The following AGR3 variants were observed in gnomAD, a reference collection of about 807,000 sequenced individuals.
The protein encoded by AGR3 is anterior gradient 3, protein disulphide isomerase family member.
Under a neutral mutation model 24.5 loss-of-function variants are expected in AGR3, and 37 were observed. The observed-to-expected ratio is 1.51, with a 90% CI of 1.16 to 1.99. The LOEUF is 1.99. Ranked by LOEUF, AGR3 falls within the 30% of genes most tolerant of loss-of-function variation. AGR3 has a pLI of 0.00. For synonymous variants in AGR3, 75 were observed against 61.6 expected (o/e 1.22, Z -1.02); for missense variants, 228 against 191.1 (o/e 1.19, Z -1.14).
At chr7:16,877,221 T>C (rs1782000990) in intron 2 of AGR3, among the ~76,000 whole-genome samples, 2 of 147,658 alleles carry the variant, frequency 1.4e-5, no homozygotes, top group African/African-American at 2.5e-5. Flanking sequence ...TATATATTTA[T>C]AATTATAGCA....
At chr7:16,872,812 T>C (rs895487462) in intron 3 of AGR3, among the ~76,000 whole-genome samples, 6 of 152,138 alleles carry the variant, frequency 3.9e-5, no homozygotes, top group African/African-American at 1.4e-4. Flanking sequence ...TAGACATTTC[T>C]CAAAAGAAGA....
At chr7:16,880,108 T>TTTCC (rs3052034) in intron 1 of AGR3, among the ~76,000 whole-genome samples, 27,260 of 135,392 alleles carry the variant, frequency 0.2, 3,394 homozygotes, top group Middle Eastern at 0.27. Context: ...TCCTTCCTTC[T>TTTCC]TTCCTTCCTT....
rs150971550 is a variant in AGR3, at chr7:16,873,801, C to G, written c.152G>C (p.Gly51Ala). The change falls in exon 3 of 8, where the codon GGT becomes GCT. Residue 51 changes from glycine (G) to alanine (A), a missense_variant. Physicochemically the swap from Gly to Ala is moderately conservative, Grantham distance 60 (BLOSUM62 0). Coordinates refer to ENST00000310398, the MANE Select transcript of AGR3 (RefSeq NM_176813.5). ...DITWVQTYEE[G>A]LFYAQKSKKP... ...TTACCTTTTTTGAGCATAAAAGAGA[C>G]CTTCTTCATAAGTTTGTACCCAAGT... The G allele has an allele frequency of 2.4e-5, 39 of 1,612,852 alleles. No individual in the cohort carries two copies. Among genetic ancestry groups the G allele is most frequent in the Admixed American group, 3.3e-5 (2 of 59,980 alleles).
rs2115400948 is a variant in AGR3 at position 16,859,483 on chromosome 7, A to G, written c.*99T>C. 2 of 779,394 alleles carry G rather than the reference A, an allele frequency of 2.6e-6. No individual in the cohort carries two copies. The highest frequency in any genetic ancestry group is 3.3e-4 in the Middle Eastern group (1 of 2,996). 48.3% of individuals were successfully genotyped at this position (779,394 alleles called of 1,614,324 possible). A position where few individuals can be genotyped will look rare whatever the true frequency, so the allele number is the denominator to read the frequency against. ...TAAAAAAACTAAATAGTAATATTAC[A>G]AAATCTATATACTTGCACATTTAGT... On this transcript the variant is annotated 3_prime_UTR_variant, in exon 8 of 8. Transcript: ENST00000310398.
At chr7:16,863,507 C>A (rs2115301262) in intron 3 of AGR3, among the ~76,000 whole-genome samples, 1 of 152,112 alleles carries the variant, frequency 6.6e-6, no homozygotes, top group Non-Finnish European at 1.5e-5. Context: ...CTGCTAACTT[C>A]TATAACTATG....
intron 3 of AGR3, among the ~76,000 whole-genome samples, chr7:16,867,570 A>G (rs1444863065): frequency 2.0e-5 from 3 of 152,164 alleles, no homozygotes; most frequent in African/African-American, 7.2e-5. Context: ...ATTGTTATTA[A>G]CTATTATTCC....
At chr7:16,857,871 T>C (rs938734584), downstream of AGR3, among the ~76,000 whole-genome samples, 2 of 152,144 alleles carry the variant, frequency 1.3e-5, no homozygotes, top group Non-Finnish European at 2.9e-5. Context: ...GTCTATATCA[T>C]AGACATTGCA....
rs1484835483 is a variant in AGR3 at position 16,862,697 on chromosome 7, T to C, written c.174-35A>G. ...GAAAGTATGGAATTAAGTCAAATGA[T>C]TAACTTTGGGTCAAAATATACAGTA... is the stretch of plus-strand genomic sequence containing the variant. On this transcript the variant is annotated intron_variant, in intron 3 of 7. Coordinates refer to ENST00000310398, the MANE Select transcript of AGR3 (RefSeq NM_176813.5). The C allele has an allele frequency of 2.7e-6, 4 of 1,457,638 alleles. No homozygotes were observed. In the African/African-American group the frequency reaches 5.9e-5, roughly 21 times the overall value. 90.3% of individuals were successfully genotyped at this position (1,457,638 alleles called of 1,614,324 possible).
intron 7 of AGR3, 118 bp from the exon 8 acceptor site, chr7:16,859,749 T>A (rs1781605284): frequency 1.6e-6 from 1 of 629,712 alleles, no homozygotes; most frequent in Admixed American, 3.1e-5. Context: ...AACATGGGAA[T>A]TCGTCTATGA....
chr7:16,878,469 C>G, intron 2 of AGR3, 41 bp downstream of exon 2: 2 of 1,552,800 alleles, frequency 1.3e-6, no homozygotes, highest in Non-Finnish European at 8.9e-7. Context: ...AAAAAGCAAT[C>G]CAAATGACTG....
chr7:16,868,187 C>A (rs1243949987), intron 3 of AGR3, among the ~76,000 whole-genome samples: 1 of 151,490 alleles, frequency 6.6e-6, no homozygotes, highest in Non-Finnish European at 1.5e-5. Context: ...TGGAGTTTCG[C>A]TCTTGTTGCC....
intron 2 of AGR3, among the ~76,000 whole-genome samples, chr7:16,877,674 T>C: frequency 6.6e-6 from 1 of 151,836 alleles, no homozygotes; most frequent in Non-Finnish European, 1.5e-5. Flanking sequence ...CCATCCTGGC[T>C]AACACGGTGA....
At chr7:16,864,395 C>G (rs1781708851) in intron 3 of AGR3, 1 of 1,301,780 alleles carries the variant, frequency 7.7e-7, no homozygotes, top group Non-Finnish European at 1.1e-6. Context: ...GACCAGGTTT[C>G]CAGCTCTGTG....
chr7:16,868,878 A>T (rs1781810511), intron 3 of AGR3, among the ~76,000 whole-genome samples: 1 of 152,218 alleles, frequency 6.6e-6, no homozygotes, highest in Non-Finnish European at 1.5e-5. Context: ...TACATATACC[A>T]TATTTTATCA....
chr7:16,873,882 C>T, intron 2 of AGR3, 39 bp from the exon 3 acceptor site: 1 of 1,500,770 alleles, frequency 6.7e-7, no homozygotes, highest in Non-Finnish European at 9.3e-7. Context: ...TAACCCAGAA[C>T]TAGAGAAGAG....
At chr7:16,864,860 A>G in intron 3 of AGR3, 2 of 864,598 alleles carry the variant, frequency 2.3e-6, no homozygotes, top group Non-Finnish European at 4.0e-6. Context: ...CGTGTATTCC[A>G]GTCACCACTG....
At chr7:16,867,776 A>C (rs963662427) in intron 3 of AGR3, among the ~76,000 whole-genome samples, 1 of 152,202 alleles carries the variant, frequency 6.6e-6, no homozygotes, top group East Asian at 1.9e-4. Context: ...TTCACTCACC[A>C]TAATGTTCTC....
chr7:16,878,481 G>T, intron 2 of AGR3, 29 bp downstream of exon 2: 1 of 1,581,726 alleles, frequency 6.3e-7, no homozygotes. Flanking sequence ...AAATGACTGA[G>T]TTTAGAAAAT....
intron 3 of AGR3, among the ~76,000 whole-genome samples, chr7:16,868,059 T>C (rs1781791214): frequency 6.6e-6 from 1 of 152,166 alleles, no homozygotes; most frequent in South Asian, 2.1e-4. Context: ...ATAGCCTTTC[T>C]AAAAGGAGTG....
Sources: allele counts gnomAD v4.1 joint callset (sites outside exome capture counted in the v4.1 genomes callset), GRCh38; gene constraint gnomAD v4.1.1; transcripts MANE v1.5; gene names NCBI Gene and HGNC (gene_info 2026-07-23, HGNC 2026-07-21).